The following MROH2B variants were observed in gnomAD, a reference collection of about 807,000 sequenced individuals.
MROH2B encodes the protein maestro heat-like repeat-containing protein family member 2B.
A neutral mutation model predicts 208.6 loss-of-function variants in MROH2B; 177 were observed. The observed-to-expected ratio is 0.85, with a 90% CI of 0.75 to 0.96. The LOEUF (loss-of-function observed/expected upper bound fraction) is 0.96. Ranked by LOEUF, MROH2B falls within the 40% of genes least tolerant of loss-of-function variation. The pLI is 0.00. For synonymous variants in MROH2B, 728 were observed against 659.0 expected, an observed-to-expected ratio of 1.10 and a Z score of -1.60; for missense variants, 2,002 against 1,878.7, an observed-to-expected ratio of 1.07 and a Z score of -1.21.
intron 21 of MROH2B, among the ~76,000 whole-genome samples, chr5:41,036,297 A>G (rs1422946648): frequency 6.6e-6 from 1 of 152,070 alleles, no homozygotes; most frequent in Non-Finnish European, 1.5e-5. Context: ...ATAGTGAATA[A>G]GTCTCATGAG....
intron 24 of MROH2B, among the ~76,000 whole-genome samples, chr5:41,028,079 C>T (rs992888239): frequency 2.0e-5 from 3 of 152,064 alleles, no homozygotes; most frequent in Admixed American, 2.0e-4. Flanking sequence ...AGGAGATATA[C>T]CTAATGTAAA....
chr5:41,044,315 G>C (rs764116952), intron 18 of MROH2B, among the ~76,000 whole-genome samples: 1 of 151,684 alleles, frequency 6.6e-6, no homozygotes, highest in Non-Finnish European at 1.5e-5. Flanking sequence ...GCCTAGTTGA[G>C]ATTAGATGAC....
At chr5:41,023,952 G>T (rs564387321) in intron 24 of MROH2B, among the ~76,000 whole-genome samples, 6 of 152,256 alleles carry the variant, frequency 3.9e-5, no homozygotes, top group Admixed American at 1.3e-4. Flanking sequence ...AAATAAAGGA[G>T]AAATAAAATC....
intron 22 of MROH2B, among the ~76,000 whole-genome samples, chr5:41,033,506 A>G (rs1180142742): frequency 6.6e-6 from 1 of 152,084 alleles, no homozygotes; most frequent in East Asian, 1.9e-4. Context: ...TTTTACAAGT[A>G]AAGTACTCTG....
chr5:41,013,080 T>C (rs936485412), intron 29 of MROH2B, among the ~76,000 whole-genome samples: 8 of 152,246 alleles, frequency 5.3e-5, no homozygotes, highest in African/African-American at 1.9e-4. Context: ...AAAGTCCTTT[T>C]ACAAACATTC....
chr5:41,023,424 C>A (rs1251698857), intron 24 of MROH2B, among the ~76,000 whole-genome samples: 1 of 152,050 alleles, frequency 6.6e-6, no homozygotes, highest in Non-Finnish European at 1.5e-5. Context: ...ATTCGATCAA[C>A]TGGAAGAAAG....
intron 5 of MROH2B, among the ~76,000 whole-genome samples, chr5:41,063,661 T>A (rs1233717624): frequency 6.6e-6 from 1 of 151,986 alleles, no homozygotes; most frequent in East Asian, 1.9e-4. Flanking sequence ...AAAATAGTAG[T>A]GTTAGGTTAT....
intron 39 of MROH2B, 132 bp downstream of exon 39, chr5:41,000,088 G>T: frequency 8.3e-7 from 1 of 1,204,698 alleles, no homozygotes; most frequent in Non-Finnish European, 1.2e-6. Flanking sequence ...TGTGAAATCA[G>T]GATATCACTG....
chr5:41,030,724 AC>A, intron 24 of MROH2B, among the ~76,000 whole-genome samples: 2 of 152,138 alleles, frequency 1.3e-5, no homozygotes, highest in Middle Eastern at 6.8e-3. Context: ...TTTATATAAA[AC>A]TATAGTTACT....
chr5:41,004,111 C>T (rs1252379072), intron 37 of MROH2B, among the ~76,000 whole-genome samples: 1 of 152,104 alleles, frequency 6.6e-6, no homozygotes, highest in African/African-American at 2.4e-5. Context: ...TTTCTTCCCC[C>T]AACAATTCTG....
chr5:41,012,565 A>G lies in MROH2B; in HGVS notation c.3135+18T>C. The G allele has an allele frequency of 6.2e-7, 1 of 1,601,652 alleles. No homozygotes were observed. The highest frequency in any genetic ancestry group is 2.2e-5 in the East Asian group (1 of 44,762). On this transcript the variant is annotated intron_variant, in intron 30 of 41. Coordinates refer to ENST00000399564, the MANE Select transcript of MROH2B (RefSeq NM_173489.5). ...TGATAGAAATCTGTTCAGTTGTTAA[A>G]ACTGGCTATCAGTTCACCTGATCTT...
intron 21 of MROH2B, among the ~76,000 whole-genome samples, chr5:41,035,922 G>A (rs962269538): frequency 6.6e-6 from 1 of 152,038 alleles, no homozygotes; most frequent in Admixed American, 6.6e-5. Context: ...ACTGTGGAAA[G>A]CAGATGGAGA....
chr5:41,013,833 T>C (rs1741850866), intron 29 of MROH2B, among the ~76,000 whole-genome samples: 1 of 152,206 alleles, frequency 6.6e-6, no homozygotes, highest in African/African-American at 2.4e-5. Context: ...GTCTCTCAAA[T>C]GGCTTCTCTG....
At chr5:41,069,299 T>G (rs973769292) in intron 2 of MROH2B, among the ~76,000 whole-genome samples, 1 of 152,192 alleles carries the variant, frequency 6.6e-6, no homozygotes, top group Non-Finnish European at 1.5e-5. Context: ...AGCCTTCAAT[T>G]CTTAGGTAAA....
intron 27 of MROH2B, 23 bp downstream of exon 27, chr5:41,018,318 A>G (rs1246008550): frequency 3.1e-6 from 5 of 1,599,798 alleles, no homozygotes; most frequent in South Asian, 1.1e-5. Context: ...AATAAAGTCT[A>G]TTCATTCTAG....
At chr5:40,998,256 C>T in intron 41 of MROH2B, 98 bp from the exon 42 acceptor site, 1 of 893,956 alleles carries the variant, frequency 1.1e-6, no homozygotes, top group Non-Finnish European at 1.8e-6. Flanking sequence ...CACTGAGGGT[C>T]AGACCCAAGT....
chr5:41,033,431 C>T (rs1561291372), intron 22 of MROH2B, among the ~76,000 whole-genome samples: 3 of 152,082 alleles, frequency 2.0e-5, no homozygotes, highest in Admixed American at 6.6e-5. Context: ...AAACAGTTTA[C>T]AATTCCACCT....
rs1327516481 is a variant in MROH2B, at chr5:41,042,189, A to G, written c.1856T>C (p.Leu619Ser). The G allele has an allele frequency of 3.8e-6, 6 of 1,574,562 alleles. No homozygotes were observed. In the African/African-American group the frequency reaches 5.4e-5, roughly 14 times the overall value. ...TTGGCAGCATGCTAAGGTGGTTCCCAAGGCTTTCCAAAGGAATTTCTGGAA... is the reference window on the plus strand; with the variant it reads ...TTGGCAGCATGCTAAGGTGGTTCCCGAGGCTTTCCAAAGGAATTTCTGGAA... ...STEKKFLWKA[L>S]GTTLACCQDS... The change falls in exon 19 of 42, where the codon TTG (leucine) becomes TCG (serine). Residue 619 changes from leucine to serine, a missense_variant. By Grantham distance (145) the Leu-to-Ser change is moderately radical. Coordinates refer to ENST00000399564, the MANE Select transcript of MROH2B (RefSeq NM_173489.5).
intron 24 of MROH2B, among the ~76,000 whole-genome samples, chr5:41,032,245 T>G (rs1742595542): frequency 6.6e-6 from 1 of 152,106 alleles, no homozygotes; most frequent in South Asian, 2.1e-4. Context: ...ATCTTTGAGT[T>G]TTTAGTAATA....
Sources: gnomAD v4.1 joint callset for allele counts (sites outside exome capture counted in the v4.1 genomes callset) on GRCh38, gnomAD v4.1.1 for gene constraint, MANE v1.5 for transcripts, NCBI Gene and HGNC (gene_info 2026-07-23, HGNC 2026-07-21) for gene names.